The following PLD3 variants were observed in gnomAD, a reference collection of about 807,000 sequenced individuals.
PLD3 encodes the protein 5'-3' exonuclease PLD3.
PLD3 carries 31 observed loss-of-function variants against 58.4 expected under a neutral mutation model. The observed-to-expected ratio is 0.53, with a 90% CI of 0.40 to 0.72. The LOEUF is 0.72. Among genes scored for constraint, PLD3 ranks in the 30% least tolerant of loss-of-function variants. The pLI is 0.00. For missense variants in PLD3, 595 were observed against 659.8 expected (o/e 0.90, Z 1.08); for synonymous variants, 264 against 273.4 (o/e 0.97, Z 0.34).
chr19:40,353,562 TTTTTC>T (rs908353728), intron 1 of PLD3, among the ~76,000 whole-genome samples: 19 of 147,632 alleles, frequency 1.3e-4, no homozygotes, highest in African/African-American at 4.0e-4. Flanking sequence ...CATGTTATTA[TTTTTC>T]TTTTCTTTTC....
At chr19:40,353,371 T>C (rs1225101162) in intron 1 of PLD3, among the ~76,000 whole-genome samples, 1 of 151,876 alleles carries the variant, frequency 6.6e-6, no homozygotes, top group Non-Finnish European at 1.5e-5. Context: ...TGGAGGTTGC[T>C]TTGAGCCGAG....
chr19:40,356,680 A>G lies in PLD3; in HGVS notation c.-279+7912A>G, dbSNP rs896940729. On this transcript the variant is annotated intron_variant, in intron 1 of 12. Coordinates refer to ENST00000409735, the MANE Select transcript of PLD3 (RefSeq NM_012268.4). ...ATAGTAGGTGTGGGAGTCTGGGGAC[A>G]CCTTGAAGGAGGTATCTGGGGGGCC... is the stretch of plus-strand genomic sequence containing the variant. The G allele has an allele frequency of 7.2e-5, 11 of 152,442 alleles. No homozygotes were observed. The Admixed American group carries it at 7.2e-4, about 10-fold the overall frequency. 9.4% of individuals were successfully genotyped at this position (152,442 alleles called of 1,614,324 possible). A position where few individuals can be genotyped will look rare whatever the true frequency, so the allele number is the denominator to read the frequency against.
chr19:40,350,178 C>A (rs541348041), intron 1 of PLD3, among the ~76,000 whole-genome samples: 1 of 137,500 alleles, frequency 7.3e-6, no homozygotes, highest in South Asian at 2.5e-4. Flanking sequence ...GAGAATCGTT[C>A]GAATCTGAGA....
chr19:40,367,602 C>A, intron 5 of PLD3, 94 bp from the exon 6 acceptor site: 1 of 1,059,170 alleles, frequency 9.4e-7, no homozygotes, highest in Non-Finnish European at 1.4e-6. Context: ...AAAATACAGT[C>A]TATCCAACAC....
intron 6 of PLD3, 60 bp downstream of exon 6, chr19:40,367,939 T>C: frequency 4.3e-6 from 6 of 1,402,684 alleles, no homozygotes; most frequent in Non-Finnish European, 5.8e-6. Flanking sequence ...CAGCGGGGGC[T>C]GTGGGGAATG....
intron 1 of PLD3, among the ~76,000 whole-genome samples, chr19:40,349,958 CAAA>C (rs969019790): frequency 7.1e-6 from 1 of 140,980 alleles, no homozygotes; most frequent in East Asian, 2.1e-4. Context: ...GACTCCGTCT[CAAA>C]AAAAAATAAT....
Position 40,378,390 on chromosome 19 carries a change from A to C in PLD3, c.*217A>C. The C allele has an allele frequency of 4.7e-6, 3 of 644,224 alleles. No individual in the cohort carries two copies. The highest frequency in any genetic ancestry group is 2.8e-5 in the East Asian group (1 of 35,530). 39.9% of individuals were successfully genotyped at this position (644,224 alleles called of 1,614,324 possible). On this transcript the variant is annotated 3_prime_UTR_variant, in exon 13 of 13. Coordinates refer to ENST00000409735, the MANE Select transcript of PLD3 (RefSeq NM_012268.4). ...GGGGGAGGGATCAGCCCCCAAAGAA[A>C]TGGGGGTGCATGCTGGGCCTGGCCC...
chr19:40,367,184 T>C, intron 5 of PLD3: 1 of 455,944 alleles, frequency 2.2e-6, no homozygotes. Context: ...ATACACGACC[T>C]TCCTTCCACA....
At chr19:40,373,203 G>A (rs2079108426) in intron 9 of PLD3, among the ~76,000 whole-genome samples, 1 of 152,170 alleles carries the variant, frequency 6.6e-6, no homozygotes, top group Non-Finnish European at 1.5e-5. Context: ...TCACTACAAG[G>A]GCCTCCCGCA....
At chr19:40,371,249 C>T (rs1316215033) in intron 8 of PLD3, among the ~76,000 whole-genome samples, 1 of 152,122 alleles carries the variant, frequency 6.6e-6, no homozygotes, top group Admixed American at 6.5e-5. Flanking sequence ...ATAGCTGTGA[C>T]TGAGACATCC....
chr19:40,359,604 G>A (rs1401344160), intron 1 of PLD3: 1 of 152,190 alleles, frequency 6.6e-6, no homozygotes, highest in Non-Finnish European at 1.5e-5. Flanking sequence ...CTGGAGGCTA[G>A]GATCTGGTGA....
At chr19:40,354,864 G>T (rs923349652) in intron 1 of PLD3, among the ~76,000 whole-genome samples, 3 of 151,366 alleles carry the variant, frequency 2.0e-5, no homozygotes, top group African/African-American at 7.3e-5. Flanking sequence ...TTGAGACTGA[G>T]TCTCACTCTG....
At chr19:40,366,559 TG>T (rs1263564490) in intron 3 of PLD3, 49 bp downstream of exon 3, 4 of 1,587,152 alleles carry the variant, frequency 2.5e-6, no homozygotes, top group South Asian at 1.1e-5. Flanking sequence ...ACAGTGGGGG[TG>T]GGGGTTCCCA....
chr19:40,348,699 C>T lies in PLD3; in HGVS notation c.-348C>T, dbSNP rs1022509251. The T allele has an allele frequency of 1.1e-5, 7 of 661,242 alleles. No homozygotes were observed. In the East Asian group the frequency reaches 1.4e-4, roughly 13 times the overall value. 41.0% of individuals were successfully genotyped at this position (661,242 alleles called of 1,614,324 possible). A position where few individuals can be genotyped will look rare whatever the true frequency, so the allele number is the denominator to read the frequency against. On this transcript the variant is annotated 5_prime_UTR_variant, in exon 1 of 13. Coordinates refer to ENST00000409735, the MANE Select transcript of PLD3 (RefSeq NM_012268.4). Reference sequence around the variant, plus strand: ...GCGCCTGCGCGCGGCTAGGAGGGGCCGTCAGGCGGGGATACAGCCTGGAAG... The same window carrying T: ...GCGCCTGCGCGCGGCTAGGAGGGGCTGTCAGGCGGGGATACAGCCTGGAAG...
chr19:40,353,312 C>T (rs367833112), intron 1 of PLD3, among the ~76,000 whole-genome samples: 10 of 151,962 alleles, frequency 6.6e-5, no homozygotes, highest in African/African-American at 2.2e-4. Flanking sequence ...CACCTGTCAT[C>T]CCACCTACTC....
intron 1 of PLD3, among the ~76,000 whole-genome samples, chr19:40,355,362 A>C (rs1600263880): frequency 6.8e-6 from 1 of 147,660 alleles, no homozygotes; most frequent in South Asian, 2.1e-4. Context: ...GCCCAGGCTG[A>C]AGTGCAGTGG....
chr19:40,371,256 A>G (rs536803752), intron 8 of PLD3, among the ~76,000 whole-genome samples: 6 of 152,122 alleles, frequency 3.9e-5, no homozygotes, highest in Non-Finnish European at 7.4e-5. Context: ...TGACTGAGAC[A>G]TCCCTAGTGC....
rs368065175 is a variant in PLD3 at position 40,370,003 on chromosome 19, G to A, written c.525G>A (p.Ala175=). The A allele has an allele frequency of 1.2e-5, 19 of 1,560,554 alleles. No individual in the cohort carries two copies. Among genetic ancestry groups the A allele is most frequent in the African/African-American group, 5.4e-5 (4 of 73,514 alleles). ...VSKPSGPQPQ[A]DLQALLQSGA... ...AGCCCAGCGGGCCCCAGCCACAGGC[G>A]GACCTGCAGGCTCTGCTGCAGAGCG... The change falls in exon 7 of 13, where the codon GCG becomes GCA. Residue 175 remains alanine (A), a synonymous_variant. Coordinates refer to ENST00000409735, the MANE Select transcript of PLD3 (RefSeq NM_012268.4).
intron 11 of PLD3, 72 bp downstream of exon 11, chr19:40,376,846 C>T (rs1026713544): frequency 5.0e-6 from 7 of 1,413,914 alleles, no homozygotes; most frequent in Admixed American, 2.0e-5. Flanking sequence ...TCATGGGACT[C>T]GTCTGTCAAT....
Sources: allele counts gnomAD v4.1 joint callset (sites outside exome capture counted in the v4.1 genomes callset), GRCh38; gene constraint gnomAD v4.1.1; transcripts MANE v1.5; gene names NCBI Gene and HGNC (gene_info 2026-07-23, HGNC 2026-07-21).